The following DHRSX variants were observed in gnomAD, a reference collection of about 807,000 sequenced individuals.
DHRSX encodes the protein polyprenol dehydrogenase.
Under a neutral mutation model 34.0 loss-of-function variants are expected in DHRSX, and 31 were observed. The observed-to-expected ratio is 0.91, with a 90% CI of 0.69 to 1.23. The LOEUF is 1.23. DHRSX is among the 50% of genes most tolerant of loss of function. DHRSX has a pLI of 0.00. For synonymous variants in DHRSX, 201 were observed against 183.8 expected (o/e 1.09, Z -0.76); for missense variants, 414 against 428.1 (o/e 0.97, Z 0.29).
intron 1 of DHRSX, among the ~76,000 whole-genome samples, chrX:2,469,943 C>A (rs138846087): frequency 0.014 from 2,132 of 152,168 alleles, 30 homozygotes; most frequent in Non-Finnish European, 0.025. Flanking sequence ...CAATGGGATA[C>A]CTGCATCCCC....
chrX:2,274,038 T>TATG (rs1316727611), intron 4 of DHRSX, among the ~76,000 whole-genome samples: 1 of 152,086 alleles, frequency 6.6e-6, no homozygotes, highest in East Asian at 1.9e-4. Flanking sequence ...CCTATTTTAT[T>TATG]ATTATTATTA....
At chrX:2,317,084 A>C (rs1054527826) in intron 3 of DHRSX, among the ~76,000 whole-genome samples, 1 of 151,774 alleles carries the variant, frequency 6.6e-6, no homozygotes, top group African/African-American at 2.4e-5. Context: ...CAGCTTCCTG[A>C]GTAGCTGGGA....
At chrX:2,465,272 C>A (rs1270292414) in intron 1 of DHRSX, among the ~76,000 whole-genome samples, 1 of 152,158 alleles carries the variant, frequency 6.6e-6, no homozygotes, top group Non-Finnish European at 1.5e-5. Flanking sequence ...TGACTAGCCA[C>A]GAACCCAGCT....
chrX:2,282,953 A>G (rs2041746801), intron 4 of DHRSX, among the ~76,000 whole-genome samples: 1 of 151,548 alleles, frequency 6.6e-6, no homozygotes, highest in Non-Finnish European at 1.5e-5. Flanking sequence ...GAGGAGAGAG[A>G]GAGACAGAGA....
Position 2,266,746 on chromosome X carries a change from T to C in DHRSX, c.590A>G (p.Gln197Arg), listed in dbSNP as rs2041479836. The change falls in exon 5 of 7, where the codon CAG becomes CGG. Residue 197 changes from glutamine (Q) to arginine (R), a missense_variant. Physicochemically the swap from Gln to Arg is conservative, Grantham distance 43. Transcript: ENST00000334651. ...YVAELNMDDLQSSACYSPHAA... is the reference protein window; with the variant it reads ...YVAELNMDDLRSSACYSPHAA... ...ATTCACAGGGTGCACCTACCTGCTC[T>C]GAAGGTCATCCATGTTCAGCTCAGC... is the stretch of plus-strand genomic sequence containing the variant. 1.9e-6 allele frequency: 3 copies of C among 1,613,804 alleles called. No homozygotes were observed. The highest frequency in any genetic ancestry group is 1.1e-5 in the South Asian group (1 of 91,080).
At chrX:2,268,439 T>A (rs1286835486) in intron 4 of DHRSX, among the ~76,000 whole-genome samples, 1 of 152,260 alleles carries the variant, frequency 6.6e-6, no homozygotes. Flanking sequence ...TCTATTCATA[T>A]ACATATATGC....
At chrX:2,481,923 G>A (rs1271008833) in intron 1 of DHRSX, among the ~76,000 whole-genome samples, 2 of 152,030 alleles carry the variant, frequency 1.3e-5, no homozygotes, top group Admixed American at 6.6e-5. Context: ...GAAATGGAAC[G>A]TTCTGGGGGA....
intron 1 of DHRSX, among the ~76,000 whole-genome samples, chrX:2,467,219 A>T (rs1202047654): frequency 6.6e-6 from 1 of 152,098 alleles, no homozygotes; most frequent in Non-Finnish European, 1.5e-5. Flanking sequence ...TGAGTGTGAG[A>T]AGGATTCCTT....
chrX:2,488,777 T>C, intron 1 of DHRSX: 1 of 1,613,926 alleles, frequency 6.2e-7, no homozygotes, highest in Non-Finnish European at 8.5e-7. Context: ...GGCGTTCTCA[T>C]ACAGAAACAC....
chrX:2,308,452 A>G (rs980807584), intron 3 of DHRSX, among the ~76,000 whole-genome samples: 6 of 152,170 alleles, frequency 3.9e-5, no homozygotes, highest in African/African-American at 1.4e-4. Context: ...TTATCAGCCA[A>G]ACAAGCAAAA....
At chrX:2,426,918 G>A (rs2043857834) in intron 1 of DHRSX, among the ~76,000 whole-genome samples, 1 of 150,702 alleles carries the variant, frequency 6.6e-6, no homozygotes, top group Admixed American at 6.6e-5. Context: ...TAAAATATGT[G>A]TAGAGCCCAC....
At chrX:2,497,545 G>C (rs748199361) in intron 1 of DHRSX, among the ~76,000 whole-genome samples, 1 of 152,134 alleles carries the variant, frequency 6.6e-6, no homozygotes, top group Non-Finnish European at 1.5e-5. Flanking sequence ...TCTATAAATA[G>C]CTTTGTAAGT....
chrX:2,484,835 G>A (rs778514035), intron 1 of DHRSX, among the ~76,000 whole-genome samples: 10 of 152,078 alleles, frequency 6.6e-5, no homozygotes, highest in Non-Finnish European at 8.8e-5. Flanking sequence ...AGCTGGCTGC[G>A]CCAGGAACCC....
At chrX:2,224,874 C>G (rs912919590) in intron 6 of DHRSX, among the ~76,000 whole-genome samples, 1 of 147,016 alleles carries the variant, frequency 6.8e-6, no homozygotes, top group Non-Finnish European at 1.5e-5. Context: ...ATGCACACAG[C>G]TCACACGCAC....
chrX:2,428,931 A>G (rs2043882991), intron 1 of DHRSX, among the ~76,000 whole-genome samples: 1 of 152,160 alleles, frequency 6.6e-6, no homozygotes, highest in Non-Finnish European at 1.5e-5. Context: ...AGGCTTCAAC[A>G]TATAATCTGT....
intron 3 of DHRSX, among the ~76,000 whole-genome samples, chrX:2,364,151 T>C (rs2042971955): frequency 6.6e-6 from 1 of 152,198 alleles, no homozygotes; most frequent in Non-Finnish European, 1.5e-5. Context: ...TGCCATTGAA[T>C]GGTAGTAGGC....
chrX:2,408,741 G>C lies in DHRSX; in HGVS notation c.286+4C>G, dbSNP rs5939175. On this transcript the variant is annotated splice_donor_region_variant and intron_variant, in intron 3 of 6. Coordinates refer to ENST00000334651, the MANE Select transcript of DHRSX (RefSeq NM_145177.3). ...AAAAAAGCCATTGGAGTATCTCTCG[G>C]TACCTTTGTCGTTCAAGGTTTCTTC... is the stretch of plus-strand genomic sequence containing the variant. 0.21 allele frequency: 334,285 copies of C among 1,606,450 alleles called. 41,220 individuals are homozygous for C. The highest frequency in any genetic ancestry group is 0.54 in the African/African-American group (40,222 of 74,340).
intron 3 of DHRSX, among the ~76,000 whole-genome samples, chrX:2,339,038 GCTTA>G (rs754827314): frequency 9.2e-5 from 14 of 152,136 alleles, no homozygotes; most frequent in African/African-American, 3.1e-4. Flanking sequence ...GTAGTATCAT[GCTTA>G]CTTAAGTGAT....
chrX:2,403,066 A>G (rs1203895783), intron 3 of DHRSX, among the ~76,000 whole-genome samples: 11 of 151,980 alleles, frequency 7.2e-5, no homozygotes, highest in Admixed American at 7.2e-4. Context: ...TGTTTTTAGT[A>G]GAGACGGGGT....
Sources: allele counts gnomAD v4.1 joint callset (sites outside exome capture counted in the v4.1 genomes callset), GRCh38; gene constraint gnomAD v4.1.1; transcripts MANE v1.5; gene names NCBI Gene and HGNC (gene_info 2026-07-23, HGNC 2026-07-21).